CSMD1: variants seen among roughly 807,000 people sequenced by gnomAD.
CSMD1 encodes CUB and Sushi multiple domains 1, also known as CUB and sushi domain-containing protein 1.
A neutral mutation model predicts 417.5 loss-of-function variants in CSMD1; 213 were observed. That is an observed-to-expected ratio of 0.51 (90% CI 0.46 to 0.57). CSMD1 has a LOEUF of 0.57. Ranked by LOEUF, CSMD1 falls within the 20% of genes least tolerant of loss-of-function variation. CSMD1 has a pLI of 0.00. For synonymous variants in CSMD1, 2,862 were observed against 1,736.8 expected (o/e 1.65, Z -16.11); for missense variants, 6,923 against 4,529.7 (o/e 1.53, Z -15.17).
chr8:3,750,295 T>A lies in CSMD1; in HGVS notation c.931+3635A>T, dbSNP rs192871789. On this transcript the variant is annotated intron_variant, in intron 6 of 69. Coordinates refer to ENST00000635120, the MANE Select transcript of CSMD1 (RefSeq NM_033225.6). ...GAAGCATAAAAATGTATGTTCTTTT[T>A]AAAATGTTCTTCTCCACTTTATATG... Among the ~76,000 whole-genome samples the A allele has an allele frequency of 3.8e-3, 577 of 150,866 alleles. 5 individuals carry two copies. Among genetic ancestry groups the A allele is most frequent in the African/African-American group, 0.013 (552 of 41,278 alleles).
At chr8:4,248,409 T>C (rs1322563680) in intron 3 of CSMD1, among the ~76,000 whole-genome samples, 2 of 152,194 alleles carry the variant, frequency 1.3e-5, no homozygotes, top group Non-Finnish European at 2.9e-5. Flanking sequence ...ATGGCGCTTA[T>C]AAAAGAAGAG....
At chr8:4,547,498 T>G (rs1354626950) in intron 2 of CSMD1, among the ~76,000 whole-genome samples, 3 of 152,198 alleles carry the variant, frequency 2.0e-5, no homozygotes, top group Non-Finnish European at 4.4e-5. Flanking sequence ...CTGGCCTCTT[T>G]TTTTCTACCA....
rs1283828782 is a variant in CSMD1, at chr8:4,541,913, T to C, written c.302+95429A>G. Among the ~76,000 whole-genome samples the C allele has an allele frequency of 3.9e-5, 6 of 152,114 alleles. No individual in the cohort carries two copies. In the East Asian group the frequency reaches 1.2e-3, roughly 29 times the overall value. On this transcript the variant is annotated intron_variant, in intron 2 of 69. Transcript: ENST00000635120. ...GCGCCGCACCTGTAGCTGCACTCTG[T>C]CCATTTCTATAGGATGAATGTTGGC...
At chr8:4,338,544 A>G (rs13267437) in intron 3 of CSMD1, among the ~76,000 whole-genome samples, 29,539 of 151,910 alleles carry the variant, frequency 0.19, 3,260 homozygotes, top group African/African-American at 0.3. Context: ...AGTTTACTCT[A>G]TTTTCAAAAC....
At chr8:3,002,954 G>A (rs191060700) in intron 52 of CSMD1, among the ~76,000 whole-genome samples, 256 of 152,312 alleles carry the variant, frequency 1.7e-3, no homozygotes, top group African/African-American at 5.8e-3. Context: ...AAAAAGTTAT[G>A]TATCAGCAGG....
chr8:4,336,446 A>G (rs1351632960), intron 3 of CSMD1, among the ~76,000 whole-genome samples: 1 of 152,150 alleles, frequency 6.6e-6, no homozygotes, highest in African/African-American at 2.4e-5. Context: ...TAATGTCAGC[A>G]TCTGTGCTAT....
chr8:3,448,117 G>C (rs911734333), intron 12 of CSMD1, among the ~76,000 whole-genome samples: 4 of 151,316 alleles, frequency 2.6e-5, no homozygotes, highest in African/African-American at 9.7e-5. Context: ...GAGAATATTA[G>C]CATGATGCTG....
intron 1 of CSMD1, among the ~76,000 whole-genome samples, chr8:4,773,122 A>T (rs1031381310): frequency 1.3e-5 from 2 of 152,216 alleles, no homozygotes; most frequent in Non-Finnish European, 2.9e-5. Context: ...ATATATTACC[A>T]GTTGAGTGTC....
chr8:3,076,918 A>T (rs1237244910), intron 49 of CSMD1, among the ~76,000 whole-genome samples: 4 of 152,284 alleles, frequency 2.6e-5, no homozygotes, highest in African/African-American at 9.6e-5. Context: ...ATAATGAAGG[A>T]GACTGGGCTT....
intron 3 of CSMD1, among the ~76,000 whole-genome samples, chr8:4,377,092 CTCTT>C (rs1285258232): frequency 6.6e-6 from 1 of 152,162 alleles, no homozygotes; most frequent in African/African-American, 2.4e-5. Context: ...CATTTCATTC[CTCTT>C]TCTTCTAAAT....
At chr8:4,930,195 A>G (rs1416556218) in intron 1 of CSMD1, among the ~76,000 whole-genome samples, 1 of 152,184 alleles carries the variant, frequency 6.6e-6, no homozygotes, top group Non-Finnish European at 1.5e-5. Flanking sequence ...GACGTTCTCC[A>G]ATTCCAATAT....
chr8:3,233,050 T>C (rs937853081), intron 26 of CSMD1, among the ~76,000 whole-genome samples: 12 of 152,132 alleles, frequency 7.9e-5, no homozygotes, highest in African/African-American at 2.9e-4. Flanking sequence ...TAAATTTTCA[T>C]ACATACTTAT....
At chr8:4,792,551 T>C (rs1797748843) in intron 1 of CSMD1, among the ~76,000 whole-genome samples, 1 of 152,176 alleles carries the variant, frequency 6.6e-6, no homozygotes, top group South Asian at 2.1e-4. Context: ...CATTCAGCCA[T>C]ACACCACACT....
chr8:3,321,869 G>A (rs1232736250), intron 23 of CSMD1, among the ~76,000 whole-genome samples: 1 of 152,136 alleles, frequency 6.6e-6, no homozygotes, highest in Non-Finnish European at 1.5e-5. Flanking sequence ...AAATTTGGGA[G>A]GATTTAAAAA....
Position 3,436,782 on chromosome 8 carries a change from C to T in CSMD1, c.1562-27177G>A, listed in dbSNP as rs184634242. On this transcript the variant is annotated intron_variant, in intron 12 of 69. Transcript: ENST00000635120. ...AGTAAGGCTTAAAAAAAGATATTTTCTTCTTCTCTTCTCAAAACAAACACT... is the reference window on the plus strand; with the variant it reads ...AGTAAGGCTTAAAAAAAGATATTTTTTTCTTCTCTTCTCAAAACAAACACT... Among the ~76,000 whole-genome samples the T allele has an allele frequency of 9.2e-5, 14 of 152,278 alleles. No homozygotes were observed. In the East Asian group the frequency reaches 2.7e-3, roughly 29 times the overall value.
At chr8:4,411,924 G>C (rs1358705316) in intron 3 of CSMD1, among the ~76,000 whole-genome samples, 8 of 151,648 alleles carry the variant, frequency 5.3e-5, no homozygotes, top group African/African-American at 2.4e-5. Context: ...GGACTAAAAG[G>C]AATTATTTTT....
intron 6 of CSMD1, among the ~76,000 whole-genome samples, chr8:3,726,295 C>T (rs149362286): frequency 7.7e-4 from 117 of 152,290 alleles, no homozygotes; most frequent in Admixed American, 2.6e-3. Context: ...TTAAAAAATA[C>T]GTGAGCTCAG....
intron 6 of CSMD1, among the ~76,000 whole-genome samples, chr8:3,711,435 T>C (rs1173878369): frequency 6.6e-6 from 1 of 152,140 alleles, no homozygotes; most frequent in Non-Finnish European, 1.5e-5. Flanking sequence ...TATCCCAGGC[T>C]CACAACGTCC....
chr8:4,222,738 C>G (rs1206487626), intron 3 of CSMD1, among the ~76,000 whole-genome samples: 2 of 152,126 alleles, frequency 1.3e-5, no homozygotes, highest in African/African-American at 2.4e-5. Context: ...TGGTCAAACA[C>G]TCTTTCTGCC....
Sources: allele counts gnomAD v4.1 joint callset (sites outside exome capture counted in the v4.1 genomes callset), GRCh38; gene constraint gnomAD v4.1.1; transcripts MANE v1.5; gene names NCBI Gene and HGNC (gene_info 2026-07-23, HGNC 2026-07-21).